ADAMTS3: variants seen among roughly 807,000 people sequenced by gnomAD.
The protein encoded by ADAMTS3 is A disintegrin and metalloproteinase with thrombospondin motifs 3.
Under a neutral mutation model 129.0 loss-of-function variants are expected in ADAMTS3, and 73 were observed. The ratio of observed to expected loss-of-function variants is 0.57; its 90% CI spans 0.47 to 0.69. ADAMTS3 has a LOEUF of 0.69. ADAMTS3 is among the 30% of genes least tolerant of loss of function. The pLI, the probability that ADAMTS3 is intolerant of heterozygous loss-of-function variation, is 0.00. For missense variants in ADAMTS3, 1,457 were observed against 1,514.5 expected, an observed-to-expected ratio of 0.96 and a Z score of 0.63; for synonymous variants, 477 against 510.8, an observed-to-expected ratio of 0.93 and a Z score of 0.89.
intron 5 of ADAMTS3, chr4:72,330,876 C>A (rs993992227): frequency 8.5e-5 from 13 of 152,120 alleles, no homozygotes; most frequent in African/African-American, 2.7e-4. Context: ...ATAGCAAAAG[C>A]CCAGGTAGAA....
Position 72,339,901 on chromosome 4 carries a change from G to A in ADAMTS3, c.662-208C>T, listed in dbSNP as rs997105580. ...TTGAACATAGAAGAGCAACACTGAA[G>A]GTAAAATCATATTATTATACAGGGA... On this transcript the variant is annotated intron_variant, in intron 4 of 21. Transcript: ENST00000286657. Among the ~76,000 whole-genome samples the A allele has an allele frequency of 2.0e-5, 3 of 152,126 alleles. No homozygotes were observed. In the South Asian group the frequency reaches 6.2e-4, roughly 32 times the overall value.
intron 3 of ADAMTS3, among the ~76,000 whole-genome samples, chr4:72,504,931 T>C (rs886450409): frequency 2.6e-5 from 4 of 152,202 alleles, no homozygotes; most frequent in Non-Finnish European, 5.9e-5. Flanking sequence ...GATTTCTTTT[T>C]AAGATGTTTA....
chr4:72,519,590 A>G (rs1448580357), intron 3 of ADAMTS3, among the ~76,000 whole-genome samples: 1 of 151,870 alleles, frequency 6.6e-6, no homozygotes, highest in African/African-American at 2.4e-5. Flanking sequence ...GATTCATTTC[A>G]TCTTCCGTCA....
chr4:72,312,522 C>A (rs1719270144), intron 12 of ADAMTS3, 56 bp from the exon 13 acceptor site: 1 of 1,570,480 alleles, frequency 6.4e-7, no homozygotes, highest in Non-Finnish European at 8.7e-7. Context: ...GCAGTTGAAG[C>A]TTGCAGACAC....
At chr4:72,496,217 G>A (rs547692355) in intron 3 of ADAMTS3, among the ~76,000 whole-genome samples, 10 of 152,124 alleles carry the variant, frequency 6.6e-5, no homozygotes, top group East Asian at 1.9e-4. Context: ...TGATTAACAC[G>A]TCATCACAGC....
chr4:72,484,405 T>C (rs1719522432), intron 3 of ADAMTS3, among the ~76,000 whole-genome samples: 1 of 152,192 alleles, frequency 6.6e-6, no homozygotes, highest in South Asian at 2.1e-4. Context: ...CATCTATGTC[T>C]TACTCAAATA....
chr4:72,450,480 A>G (rs1004854133), intron 3 of ADAMTS3, among the ~76,000 whole-genome samples: 23 of 151,732 alleles, frequency 1.5e-4, no homozygotes, highest in African/African-American at 5.6e-4. Flanking sequence ...CCATTATATG[A>G]CCATTCCCAA....
At chr4:72,514,157 G>A (rs549333667) in intron 3 of ADAMTS3, among the ~76,000 whole-genome samples, 56 of 151,840 alleles carry the variant, frequency 3.7e-4, no homozygotes, top group African/African-American at 1.1e-3. Context: ...TCACTATGTT[G>A]TCACCAGGCC....
chr4:72,444,022 T>C (rs548044010), intron 3 of ADAMTS3, among the ~76,000 whole-genome samples: 6 of 151,862 alleles, frequency 4.0e-5, no homozygotes, highest in African/African-American at 1.4e-4. Context: ...TTTATCATCA[T>C]ATGCTGCAGG....
In ADAMTS3 at chr4:72,313,670, T is replaced by C. The variant is rs1179291723; in HGVS notation, c.1745+7A>G. ...AAAAATAACAAGAGTTACAAGGATA[T>C]ACTCACATGGGATTATTGCACTGGC... On this transcript the variant is annotated splice_region_variant and intron_variant, in intron 12 of 21. Transcript: ENST00000286657. 5 of 1,613,192 alleles carry C rather than the reference T, an allele frequency of 3.1e-6. 1 individual carries two copies. The highest frequency in any genetic ancestry group is 3.3e-5 in the Admixed American group (2 of 59,930).
chr4:72,415,785 G>A (rs1014186372), intron 3 of ADAMTS3, among the ~76,000 whole-genome samples: 2 of 151,864 alleles, frequency 1.3e-5, no homozygotes, highest in East Asian at 1.9e-4. Context: ...TCTAAAATGC[G>A]ATATTTCTTA....
At chr4:72,404,956 C>T (rs540300470) in intron 4 of ADAMTS3, among the ~76,000 whole-genome samples, 25 of 152,078 alleles carry the variant, frequency 1.6e-4, no homozygotes, top group Admixed American at 4.6e-4. Context: ...AAAAGATACT[C>T]AGCATCACTA....
rs1183558166 is a variant in ADAMTS3, at chr4:72,385,321, A to G, written c.661+29494T>C. Among the ~76,000 whole-genome samples the G allele has an allele frequency of 2.6e-5, 4 of 152,092 alleles. No homozygotes were observed. The East Asian group carries it at 7.7e-4, about 29-fold the overall frequency. On this transcript the variant is annotated intron_variant, in intron 4 of 21. Coordinates refer to ENST00000286657, the MANE Select transcript of ADAMTS3 (RefSeq NM_014243.3). ...TATTTATTATAGTACCTCAGTGGCC[A>G]TTAAAAAAATAAATTATTAGAGCTA...
intron 5 of ADAMTS3, 108 bp downstream of exon 5, chr4:72,339,386 T>C: frequency 3.2e-6 from 3 of 936,252 alleles, no homozygotes; most frequent in Non-Finnish European, 5.0e-6. Context: ...ATCATGCACA[T>C]ATTTTGGCAC....
chr4:72,482,010 G>GAT (rs1719449677), intron 3 of ADAMTS3, among the ~76,000 whole-genome samples: 1 of 151,934 alleles, frequency 6.6e-6, no homozygotes, highest in Non-Finnish European at 1.5e-5. Flanking sequence ...ACCAAATGCT[G>GAT]GTAAGAATGT....
chr4:72,300,568 ATAAT>A (rs1185870044), intron 17 of ADAMTS3, among the ~76,000 whole-genome samples: 1 of 152,208 alleles, frequency 6.6e-6, no homozygotes, highest in African/African-American at 2.4e-5. Context: ...ATAAATGTGG[ATAAT>A]TAATTTTGAC....
At chr4:72,447,659 T>C (rs1352059323) in intron 3 of ADAMTS3, among the ~76,000 whole-genome samples, 1 of 151,740 alleles carries the variant, frequency 6.6e-6, no homozygotes, top group Admixed American at 6.6e-5. Context: ...AGATCTTTCA[T>C]TGCCCCACAC....
At chr4:72,288,497 C>T (rs541345763) in intron 21 of ADAMTS3, among the ~76,000 whole-genome samples, 4 of 152,164 alleles carry the variant, frequency 2.6e-5, no homozygotes, top group Non-Finnish European at 5.9e-5. Context: ...GTTACATATA[C>T]ATGGCACAGC....
intron 3 of ADAMTS3, among the ~76,000 whole-genome samples, chr4:72,533,674 T>TATGTATATATACATATATATGG (rs1721110912): frequency 1.3e-5 from 2 of 150,280 alleles, no homozygotes; most frequent in Non-Finnish European, 3.0e-5. Flanking sequence ...TATATGCACA[T>TATGTATATATACATATATATGG]ATATGCACAC....
Sources: allele counts gnomAD v4.1 joint callset (sites outside exome capture counted in the v4.1 genomes callset), GRCh38; gene constraint gnomAD v4.1.1; transcripts MANE v1.5; gene names NCBI Gene and HGNC (gene_info 2026-07-23, HGNC 2026-07-21).